Variants in KIAA1217 observed in about 807,000 individuals in gnomAD.
The protein encoded by KIAA1217 is KIAA1217.
A neutral mutation model predicts 163.9 loss-of-function variants in KIAA1217; 88 were observed. The observed-to-expected ratio is 0.54, with a 90% CI of 0.45 to 0.64. The LOEUF (loss-of-function observed/expected upper bound fraction) is 0.64. KIAA1217 is among the 30% of genes least tolerant of loss of function. KIAA1217 has a pLI of 0.00. For missense variants in KIAA1217, 2,372 were observed against 2,475.0 expected, an observed-to-expected ratio of 0.96 and a Z score of 0.88; for synonymous variants, 903 against 923.1, an observed-to-expected ratio of 0.98 and a Z score of 0.39.
At chr10:24,407,257 CGTGTGTGTGT>C (rs10545826) in intron 3 of KIAA1217, among the ~76,000 whole-genome samples, 9 of 147,812 alleles carry the variant, frequency 6.1e-5, no homozygotes, top group African/African-American at 2.2e-4. Context: ...GATGAAGATA[CGTGTGTGTGT>C]GTGTGTGTGT....
At chr10:24,437,119 T>C (rs2060107506) in intron 4 of KIAA1217, among the ~76,000 whole-genome samples, 1 of 152,200 alleles carries the variant, frequency 6.6e-6, no homozygotes, top group Admixed American at 6.5e-5. Context: ...TTAGTCTTTT[T>C]CATGGCTCCC....
At chr10:24,454,482 C>A (rs1157598457) in intron 5 of KIAA1217, among the ~76,000 whole-genome samples, 1 of 152,048 alleles carries the variant, frequency 6.6e-6, no homozygotes, top group African/African-American at 2.4e-5. Context: ...GAAGAGTTAC[C>A]AAAGAAAAAC....
chr10:23,994,858 G>A (rs912150100), intron 1 of KIAA1217, among the ~76,000 whole-genome samples: 1 of 152,152 alleles, frequency 6.6e-6, no homozygotes, highest in African/African-American at 2.4e-5. Context: ...AACCAATACA[G>A]GATTCAATTT....
At chr10:24,185,569 C>T (rs566649515) in intron 2 of KIAA1217, among the ~76,000 whole-genome samples, 42 of 152,022 alleles carry the variant, frequency 2.8e-4, no homozygotes, top group Admixed American at 2.5e-3. Flanking sequence ...CTGAGGTGGA[C>T]GGATTACTTG....
At chr10:23,841,419 T>C (rs1343390828) in intron 1 of KIAA1217, among the ~76,000 whole-genome samples, 1 of 152,186 alleles carries the variant, frequency 6.6e-6, no homozygotes, top group African/African-American at 2.4e-5. Context: ...ACATAAATAC[T>C]ATTTATTTAA....
intron 1 of KIAA1217, among the ~76,000 whole-genome samples, chr10:23,987,993 A>C (rs1456402676): frequency 6.6e-6 from 1 of 152,148 alleles, no homozygotes; most frequent in Non-Finnish European, 1.5e-5. Context: ...ATCAATATTT[A>C]CCATAATGGA....
intron 2 of KIAA1217, among the ~76,000 whole-genome samples, chr10:24,344,314 G>A (rs1453088566): frequency 6.6e-6 from 1 of 152,206 alleles, no homozygotes; most frequent in Non-Finnish European, 1.5e-5. Flanking sequence ...CACATTTGTA[G>A]ACAATCAGAC....
intron 9 of KIAA1217, among the ~76,000 whole-genome samples, chr10:24,507,938 G>A (rs1319532381): frequency 6.6e-6 from 1 of 152,154 alleles, no homozygotes; most frequent in Non-Finnish European, 1.5e-5. Context: ...CAAAAGGCAA[G>A]TCAGGACACA....
At chr10:23,849,982 A>G (rs1464936198) in intron 1 of KIAA1217, among the ~76,000 whole-genome samples, 8 of 152,114 alleles carry the variant, frequency 5.3e-5, no homozygotes, top group African/African-American at 7.2e-5. Context: ...TCCATCCTTC[A>G]GAGACTGCAA....
intron 1 of KIAA1217, among the ~76,000 whole-genome samples, chr10:23,700,503 T>TAA (rs529346143): frequency 2.8e-5 from 4 of 142,770 alleles, no homozygotes; most frequent in East Asian, 2.0e-4. Flanking sequence ...TCTCTCATAG[T>TAA]AAAAAAAAAA....
intron 2 of KIAA1217, among the ~76,000 whole-genome samples, chr10:24,232,986 A>G (rs1249653333): frequency 6.7e-6 from 1 of 148,714 alleles, no homozygotes; most frequent in Non-Finnish European, 1.5e-5. Context: ...TTAGCCAGGC[A>G]TAGTGGTGTA....
At chr10:24,202,828 C>T (rs960055840) in intron 2 of KIAA1217, among the ~76,000 whole-genome samples, 3 of 152,164 alleles carry the variant, frequency 2.0e-5, no homozygotes, top group African/African-American at 7.2e-5. Context: ...CCTTAGGGCT[C>T]TTACAGCAAT....
chr10:24,448,245 G>T (rs555983701), intron 5 of KIAA1217, among the ~76,000 whole-genome samples: 1 of 145,990 alleles, frequency 6.8e-6, no homozygotes, highest in Non-Finnish European at 1.5e-5. Context: ...CTTTTTTTGC[G>T]TGGGGGGGGC....
chr10:24,335,314 C>T (rs1458116211), intron 2 of KIAA1217, among the ~76,000 whole-genome samples: 27 of 138,876 alleles, frequency 1.9e-4, no homozygotes, highest in African/African-American at 5.1e-4. Flanking sequence ...TTTTTTGAGA[C>T]GGAGTCTTGC....
At chr10:24,165,362 C>T (rs2065298400) in intron 2 of KIAA1217, among the ~76,000 whole-genome samples, 1 of 152,158 alleles carries the variant, frequency 6.6e-6, no homozygotes, top group African/African-American at 2.4e-5. Context: ...ACCCAAGATC[C>T]ATATGTGGAT....
intron 1 of KIAA1217, among the ~76,000 whole-genome samples, chr10:23,803,347 C>T (rs1366479859): frequency 6.6e-6 from 1 of 152,226 alleles, no homozygotes; most frequent in Non-Finnish European, 1.5e-5. Context: ...CATCCCTGAG[C>T]ATTTGCCTCC....
chr10:23,963,442 A>G (rs991951277), intron 1 of KIAA1217, among the ~76,000 whole-genome samples: 1 of 152,196 alleles, frequency 6.6e-6, no homozygotes, highest in Non-Finnish European at 1.5e-5. Flanking sequence ...AAAAGACATG[A>G]ACTCATCCTT....
chr10:23,835,365 AT>A (rs138808738), intron 1 of KIAA1217, among the ~76,000 whole-genome samples: 1,748 of 151,208 alleles, frequency 0.012, 39 homozygotes, highest in African/African-American at 0.039. Context: ...AAATGGAGTG[AT>A]TTTTTTTTGG....
intron 1 of KIAA1217, among the ~76,000 whole-genome samples, chr10:23,901,744 T>C (rs1430671723): frequency 2.0e-5 from 3 of 151,718 alleles, no homozygotes; most frequent in South Asian, 4.2e-4. Context: ...CTGCCTCTAC[T>C]AAAAATACAA....
Sources: allele counts gnomAD v4.1 joint callset (sites outside exome capture counted in the v4.1 genomes callset), GRCh38; gene constraint gnomAD v4.1.1; transcripts MANE v1.5; gene names NCBI Gene and HGNC (gene_info 2026-07-23, HGNC 2026-07-21).